Variants in NTF3 observed in about 807,000 individuals in gnomAD.
The protein encoded by NTF3 is neurotrophin 3.
Under a neutral mutation model 26.3 loss-of-function variants are expected in NTF3, and 8 were observed. That is an observed-to-expected ratio of 0.30 (90% CI 0.18 to 0.55). The LOEUF is 0.55. NTF3 is among the 20% of genes least tolerant of loss of function. NTF3 has a pLI of 0.93. For missense variants in NTF3, 276 were observed against 352.9 expected (o/e 0.78, Z 1.75); for synonymous variants, 154 against 145.5 (o/e 1.06, Z -0.42).
intron 1 of NTF3, among the ~76,000 whole-genome samples, chr12:5,454,541 T>C (rs1417110002): frequency 2.0e-5 from 3 of 152,124 alleles, no homozygotes; most frequent in Non-Finnish European, 4.4e-5. Flanking sequence ...ACCCACAGAG[T>C]GCAGGGTGAG....
At chr12:5,457,891 G>A (rs1209343397) in intron 1 of NTF3, among the ~76,000 whole-genome samples, 2 of 152,136 alleles carry the variant, frequency 1.3e-5, no homozygotes, top group Non-Finnish European at 2.9e-5. Flanking sequence ...CAGCCTCCAA[G>A]TCCTCATCAT....
chr12:5,455,532 C>T (rs1486347835), intron 1 of NTF3, among the ~76,000 whole-genome samples: 5 of 80,450 alleles, frequency 6.2e-5, no homozygotes. Context: ...AACCCCTCCC[C>T]AACACACACA....
At position 5,432,341 on chromosome 12, in the gene NTF3, C is replaced by T; in HGVS notation, c.17C>T (p.Thr6Met). Residue 6 changes from threonine to methionine, a missense_variant and splice_region_variant, in exon 1 of 2, where the codon ACG becomes ATG. Around this residue, in one of 3 missense-constraint regions of NTF3, gnomAD observed 221 missense variants for 258.2 expected, o/e 0.86. Coordinates refer to ENST00000423158, the MANE Select transcript of NTF3 (RefSeq NM_001102654.2). MVTFA[T>M]ILQVNKVMSI... ...ACGGATGCCATGGTTACTTTTGCCACGGTAAGGGGAGGCGGCGGGCACCTT... is the reference window on the plus strand; with the variant it reads ...ACGGATGCCATGGTTACTTTTGCCATGGTAAGGGGAGGCGGCGGGCACCTT... 1 of 1,606,406 alleles carries T rather than the reference C, an allele frequency of 6.2e-7. No homozygotes were observed. Among genetic ancestry groups the T allele is most frequent in the Non-Finnish European group, 8.5e-7 (1 of 1,176,136 alleles).
intron 1 of NTF3, among the ~76,000 whole-genome samples, chr12:5,472,835 T>C (rs1940681548): frequency 6.6e-6 from 1 of 152,192 alleles, no homozygotes; most frequent in African/African-American, 2.4e-5. Flanking sequence ...CCTTTTTGCA[T>C]TGATCTAGGG....
intron 1 of NTF3, among the ~76,000 whole-genome samples, chr12:5,445,329 T>A (rs1035130082): frequency 6.6e-6 from 1 of 151,640 alleles, no homozygotes; most frequent in Non-Finnish European, 1.5e-5. Context: ...TGTGTGTGTG[T>A]GTGTGTGTTT....
intron 1 of NTF3, among the ~76,000 whole-genome samples, chr12:5,465,157 T>A (rs1940574229): frequency 6.6e-6 from 1 of 152,168 alleles, no homozygotes; most frequent in Non-Finnish European, 1.5e-5. Context: ...TTCTCCCCAC[T>A]TCATGGGAGA....
intron 1 of NTF3, among the ~76,000 whole-genome samples, chr12:5,465,629 C>A (rs960640556): frequency 6.6e-6 from 1 of 152,244 alleles, no homozygotes; most frequent in Admixed American, 6.5e-5. Flanking sequence ...TTCGGCAAAC[C>A]TGAGGCTTAC....
chr12:5,442,834 G>A (rs780921354), intron 1 of NTF3, among the ~76,000 whole-genome samples: 7 of 152,178 alleles, frequency 4.6e-5, no homozygotes, highest in Non-Finnish European at 8.8e-5. Flanking sequence ...CTTGCTAGCC[G>A]CTGTGCGAGG....
chr12:5,458,215 A>C (rs10744683), intron 1 of NTF3, among the ~76,000 whole-genome samples: 135,800 of 152,122 alleles, frequency 0.89, 60,593 homozygotes, highest in East Asian at 0.95. Context: ...GTATTTGCTC[A>C]CACTACTGCA....
chr12:5,464,484 T>C (rs1339175067), intron 1 of NTF3, among the ~76,000 whole-genome samples: 1 of 152,232 alleles, frequency 6.6e-6, no homozygotes, highest in African/African-American at 2.4e-5. Context: ...TAATTGAAGA[T>C]ACTGTCAATC....
intron 1 of NTF3, among the ~76,000 whole-genome samples, chr12:5,436,187 C>T (rs1940166009): frequency 1.3e-5 from 2 of 152,232 alleles, no homozygotes; most frequent in East Asian, 1.9e-4. Flanking sequence ...CGATGGGGAT[C>T]CCCATTTGAT....
At chr12:5,444,344 T>C (rs945097231) in intron 1 of NTF3, among the ~76,000 whole-genome samples, 1 of 152,096 alleles carries the variant, frequency 6.6e-6, no homozygotes, top group Admixed American at 6.5e-5. Flanking sequence ...GGGGCAGAGA[T>C]AAAAGGGAGA....
chr12:5,468,213 T>C (rs1056742653), intron 1 of NTF3, among the ~76,000 whole-genome samples: 1 of 152,196 alleles, frequency 6.6e-6, no homozygotes, highest in African/African-American at 2.4e-5. Flanking sequence ...TAAGTGCTCA[T>C]ATATATGTGT....
chr12:5,459,656 G>A (rs1940501383), intron 1 of NTF3, among the ~76,000 whole-genome samples: 1 of 152,142 alleles, frequency 6.6e-6, no homozygotes, highest in Admixed American at 6.5e-5. Flanking sequence ...CCAGAGCTTA[G>A]CGGATGTCCT....
At chr12:5,442,750 A>G (rs1940254693) in intron 1 of NTF3, among the ~76,000 whole-genome samples, 1 of 152,224 alleles carries the variant, frequency 6.6e-6, no homozygotes, top group East Asian at 1.9e-4. Flanking sequence ...CAAAAAACAT[A>G]GCACATCTGT....
rs573875777 is a variant in NTF3 at position 5,494,105 on chromosome 12, C to G, written c.19-89C>G. 2.3e-6 allele frequency: 3 copies of G among 1,311,096 alleles called. No homozygotes were observed. In the African/African-American group the frequency reaches 4.4e-5, roughly 19 times the overall value. The allele number at this position is 1,311,096 out of a possible 1,614,324, so 81.2% of individuals were successfully genotyped here. On this transcript the variant is annotated intron_variant, in intron 1 of 1. Coordinates refer to ENST00000423158, the MANE Select transcript of NTF3 (RefSeq NM_001102654.2). The surrounding 1 kb of genome is among the most constrained non-coding windows in gnomAD (Gnocchi z 8.3). ...GGCGGTACCCTCTCTCGTGCCCTCA[C>G]AGGGCTACTCAGCCTCAGGTAGCTG...
chr12:5,494,003 G>A lies in NTF3; in HGVS notation c.19-191G>A. 3.3e-6 allele frequency: 2 copies of A among 600,780 alleles called. No homozygotes were observed. The highest frequency in any genetic ancestry group is 5.9e-6 in the Non-Finnish European group (2 of 340,738). 37.2% of individuals were successfully genotyped at this position (600,780 alleles called of 1,614,324 possible). A position where few individuals can be genotyped will look rare whatever the true frequency, so the allele number is the denominator to read the frequency against. On this transcript the variant is annotated intron_variant, in intron 1 of 1. Coordinates refer to ENST00000423158, the MANE Select transcript of NTF3 (RefSeq NM_001102654.2). The surrounding 1 kb of genome is among the most constrained non-coding windows in gnomAD (Gnocchi z 8.3). ...GAGTCGGCAGACCTGGAGTGCATTCGCAGTATCTCCCGGGGGTGGGGGAAA... is the reference window on the plus strand; with the variant it reads ...GAGTCGGCAGACCTGGAGTGCATTCACAGTATCTCCCGGGGGTGGGGGAAA...
intron 1 of NTF3, among the ~76,000 whole-genome samples, chr12:5,485,291 C>T (rs1940854450): frequency 6.6e-6 from 1 of 152,192 alleles, no homozygotes; most frequent in Non-Finnish European, 1.5e-5. Flanking sequence ...TACCAGCATG[C>T]TGCTTGCTAC....
chr12:5,487,383 C>T (rs996853209), intron 1 of NTF3, among the ~76,000 whole-genome samples: 9 of 152,224 alleles, frequency 5.9e-5, no homozygotes, highest in Non-Finnish European at 8.8e-5. Context: ...ATCTCCATCT[C>T]GGTCCACTTA....
Sources: gnomAD v4.1 joint callset for allele counts (sites outside exome capture counted in the v4.1 genomes callset) on GRCh38, gnomAD v4.1.1 for gene constraint, gnomAD v4.1.1 regional missense constraint, Gnocchi (gnomAD v3.1) non-coding constraint, MANE v1.5 for transcripts, NCBI Gene and HGNC (gene_info 2026-07-23, HGNC 2026-07-21) for gene names.